The following LTBP1 variants were observed in gnomAD, a reference collection of about 807,000 sequenced individuals.
LTBP1 encodes latent transforming growth factor beta binding protein 1, also known as latent-transforming growth factor beta-binding protein 1.
Under a neutral mutation model 207.6 loss-of-function variants are expected in LTBP1, and 129 were observed. The ratio of observed to expected loss-of-function variants is 0.62; its 90% CI spans 0.54 to 0.72. The LOEUF (loss-of-function observed/expected upper bound fraction) is 0.72, where lower values mean the gene tolerates loss of function less well. Ranked by LOEUF, LTBP1 falls within the 30% of genes least tolerant of loss-of-function variation. The probability of loss-of-function intolerance (pLI) is 0.00; values close to 1 mark genes in which losing one functional copy is unlikely to be tolerated. For missense variants in LTBP1, 2,281 were observed against 2,217.2 expected (o/e 1.03, Z -0.58); for synonymous variants, 963 against 833.7 (o/e 1.16, Z -2.67).
intron 2 of LTBP1, among the ~76,000 whole-genome samples, chr2:32,953,866 C>T (rs2148292375): frequency 6.6e-6 from 1 of 152,298 alleles, no homozygotes; most frequent in Admixed American, 6.5e-5. Flanking sequence ...GCAGATTTTG[C>T]TTCCCAGTCC....
intron 5 of LTBP1, among the ~76,000 whole-genome samples, chr2:33,167,361 CAA>C (rs80088509): frequency 9.7e-5 from 11 of 112,866 alleles, no homozygotes; most frequent in Admixed American, 2.8e-4. Flanking sequence ...TTTGTACATT[CAA>C]AAAAAAAAAA....
chr2:32,972,432 T>C (rs1681048720), intron 2 of LTBP1, among the ~76,000 whole-genome samples: 1 of 152,174 alleles, frequency 6.6e-6, no homozygotes, highest in African/African-American at 2.4e-5. Context: ...GGGCAGTTAG[T>C]GCTATAAACT....
chr2:33,246,894 T>A (rs2092532150), intron 10 of LTBP1, among the ~76,000 whole-genome samples: 1 of 152,174 alleles, frequency 6.6e-6, no homozygotes, highest in Non-Finnish European at 1.5e-5. Flanking sequence ...TAGGATGGTG[T>A]AGGAGCATTC....
At chr2:32,998,608 A>G (rs1010513899) in intron 2 of LTBP1, among the ~76,000 whole-genome samples, 10 of 150,512 alleles carry the variant, frequency 6.6e-5, no homozygotes, top group African/African-American at 2.2e-4. Context: ...ATGAACTGCA[A>G]AATTTCTATG....
At chr2:33,298,221 G>C (rs1328276448) in intron 20 of LTBP1, among the ~76,000 whole-genome samples, 1 of 152,104 alleles carries the variant, frequency 6.6e-6, no homozygotes, top group African/African-American at 2.4e-5. Context: ...TTGTTCCCTT[G>C]GTCATTTTAA....
At chr2:32,975,423 G>C (rs1359536264) in intron 2 of LTBP1, among the ~76,000 whole-genome samples, 1 of 152,000 alleles carries the variant, frequency 6.6e-6, no homozygotes, top group African/African-American at 2.4e-5. Context: ...ATGTTGGTCT[G>C]TCTAGTGAGG....
intron 3 of LTBP1, among the ~76,000 whole-genome samples, chr2:33,032,937 C>T (rs2075754252): frequency 1.3e-5 from 2 of 152,170 alleles, no homozygotes; most frequent in Admixed American, 1.3e-4. Flanking sequence ...GCTTTATGTT[C>T]AGATTAATTT....
chr2:33,251,354 C>G (rs78122181), intron 10 of LTBP1, among the ~76,000 whole-genome samples: 6,598 of 152,248 alleles, frequency 0.043, 489 homozygotes, highest in African/African-American at 0.14. Context: ...AGGAAGTCCT[C>G]CCCTAAAAGA....
chr2:33,280,207 C>G (rs756270220), intron 19 of LTBP1, 49 bp downstream of exon 19: 2 of 1,564,840 alleles, frequency 1.3e-6, no homozygotes, highest in Non-Finnish European at 1.7e-6. Flanking sequence ...CTGCATGGCC[C>G]ATTTTCTGAT....
intron 19 of LTBP1, among the ~76,000 whole-genome samples, chr2:33,282,974 A>G (rs574140611): frequency 6.6e-6 from 1 of 151,570 alleles, no homozygotes; most frequent in Non-Finnish European, 1.5e-5. Flanking sequence ...GAGGCAGGAG[A>G]ATCGCTTGAA....
intron 20 of LTBP1, among the ~76,000 whole-genome samples, chr2:33,297,045 C>T (rs1212656179): frequency 2.0e-5 from 3 of 152,210 alleles, no homozygotes; most frequent in African/African-American, 4.8e-5. Context: ...TGCTTGTGTG[C>T]GTCTGGGAAA....
intron 31 of LTBP1, among the ~76,000 whole-genome samples, chr2:33,365,861 G>T (rs971820134): frequency 2.0e-5 from 3 of 152,078 alleles, no homozygotes; most frequent in African/African-American, 7.2e-5. Context: ...TTTCTACTTA[G>T]ACCAAAATGT....
At chr2:33,245,468 G>A (rs1358657708) in intron 10 of LTBP1, among the ~76,000 whole-genome samples, 1 of 152,150 alleles carries the variant, frequency 6.6e-6, no homozygotes, top group African/African-American at 2.4e-5. Flanking sequence ...TTTAAAAACT[G>A]TCAACTGCAG....
At chr2:33,347,135 A>AAC (rs2094714461) in intron 25 of LTBP1, among the ~76,000 whole-genome samples, 1 of 151,916 alleles carries the variant, frequency 6.6e-6, no homozygotes, top group Non-Finnish European at 1.5e-5. Flanking sequence ...AAAAAAAAAA[A>AAC]AAAAAACCTA....
chr2:33,095,351 G>C (rs764172845), intron 3 of LTBP1, among the ~76,000 whole-genome samples: 1 of 152,154 alleles, frequency 6.6e-6, no homozygotes, highest in African/African-American at 2.4e-5. Context: ...CAAATTTCTT[G>C]GCTGATCCTG....
intron 26 of LTBP1, among the ~76,000 whole-genome samples, chr2:33,355,492 T>G (rs2094846941): frequency 6.6e-6 from 1 of 152,174 alleles, no homozygotes; most frequent in Admixed American, 6.5e-5. Flanking sequence ...GTTGTTTTAT[T>G]TGTATTATTT....
At chr2:33,255,254 A>C (rs2092817709) in intron 11 of LTBP1, among the ~76,000 whole-genome samples, 1 of 152,010 alleles carries the variant, frequency 6.6e-6, no homozygotes, top group Non-Finnish European at 1.5e-5. Flanking sequence ...AAAGGACATG[A>C]ACTCATCATT....
intron 2 of LTBP1, among the ~76,000 whole-genome samples, chr2:32,949,521 A>G (rs1572773047): frequency 6.6e-6 from 1 of 152,236 alleles, no homozygotes; most frequent in Non-Finnish European, 1.5e-5. Context: ...CATGCCCAGC[A>G]GTGTTTTTTA....
At chr2:33,182,779 A>G (rs915217959) in intron 5 of LTBP1, among the ~76,000 whole-genome samples, 1 of 147,972 alleles carries the variant, frequency 6.8e-6, no homozygotes, top group Admixed American at 6.8e-5. Context: ...CACACATTGT[A>G]TTCTAGTATA....
Sources: allele counts gnomAD v4.1 joint callset (sites outside exome capture counted in the v4.1 genomes callset), GRCh38; gene constraint gnomAD v4.1.1; transcripts MANE v1.5; gene names NCBI Gene and HGNC (gene_info 2026-07-23, HGNC 2026-07-21).